Variants in GLIS3 observed in about 807,000 individuals in gnomAD.
The protein encoded by GLIS3 is zinc finger protein GLIS3.
Under a neutral mutation model 78.6 loss-of-function variants are expected in GLIS3, and 53 were observed. That is an observed-to-expected ratio of 0.67 (90% CI 0.54 to 0.85). The LOEUF (loss-of-function observed/expected upper bound fraction) is 0.85. GLIS3 is among the 40% of genes least tolerant of loss of function. GLIS3 has a pLI of 0.00. For synonymous variants in GLIS3, 684 were observed against 509.9 expected, an observed-to-expected ratio of 1.34 and a Z score of -4.60; for missense variants, 1,703 against 1,231.1, an observed-to-expected ratio of 1.38 and a Z score of -5.74.
At chr9:4,389,470 A>G in the GLIS3 span, among the ~76,000 whole-genome samples, 1 of 152,206 alleles carries the variant, frequency 6.6e-6, no homozygotes, top group Non-Finnish European at 1.5e-5. Flanking sequence ...GGGACTTCCA[A>G]AGGCTGCTGG....
chr9:4,142,392 G>A (rs569382366), intron 2 of GLIS3, among the ~76,000 whole-genome samples: 6 of 152,272 alleles, frequency 3.9e-5, no homozygotes, highest in African/African-American at 1.4e-4. Context: ...CAATGTTAAT[G>A]AGAAGGAGAG....
At chr9:4,420,423 C>T in the GLIS3 span, among the ~76,000 whole-genome samples, 61 of 152,282 alleles carry the variant, frequency 4.0e-4, no homozygotes, top group African/African-American at 1.4e-3. Context: ...TCTAGCTAGA[C>T]AAGCATCTTG....
At chr9:3,919,107 G>A (rs1282504788) in intron 6 of GLIS3, among the ~76,000 whole-genome samples, 1 of 152,178 alleles carries the variant, frequency 6.6e-6, no homozygotes, top group Non-Finnish European at 1.5e-5. Context: ...TAGCCACCAA[G>A]AGGAGAGCTT....
chr9:4,142,514 C>A (rs1239121619), intron 2 of GLIS3, among the ~76,000 whole-genome samples: 1 of 152,118 alleles, frequency 6.6e-6, no homozygotes, highest in Non-Finnish European at 1.5e-5. Context: ...ATAAACTCTG[C>A]CAGGATGTGG....
the GLIS3 span, among the ~76,000 whole-genome samples, chr9:4,438,815 A>G: frequency 1.3e-5 from 2 of 152,156 alleles, no homozygotes; most frequent in South Asian, 2.1e-4. Flanking sequence ...CCTTTCTGAC[A>G]TAATTGTGAG....
At chr9:4,030,872 T>G (rs1823776782) in intron 4 of GLIS3, among the ~76,000 whole-genome samples, 1 of 152,324 alleles carries the variant, frequency 6.6e-6, no homozygotes, top group African/African-American at 2.4e-5. Flanking sequence ...TGTAGCATCA[T>G]GTGCTGACAT....
rs559146846 is a variant in GLIS3, at chr9:4,181,504, C to T, written c.389-55563G>A. The stretch of plus-strand genomic sequence containing the variant: ...CAAAGGCACTATAGTGGACATCTGT[C>T]CTTCTTGCTTGACCATCATCATCAC... On this transcript the variant is annotated intron_variant, in intron 2 of 10. Transcript: ENST00000381971. 9.2e-5 allele frequency among the ~76,000 whole-genome samples: 14 copies of T among 152,322 alleles called. No homozygotes were observed. The South Asian group carries it at 2.7e-3, about 29-fold the overall frequency.
rs117426078 is a variant in GLIS3, at chr9:3,852,304, A to G, written c.2473+3705T>C. Among the ~76,000 whole-genome samples, 590 of 152,290 alleles carry G rather than the reference A, an allele frequency of 3.9e-3. 1 individual carries two copies. Among genetic ancestry groups the G allele is most frequent in the Admixed American group, 8.9e-3 (137 of 15,310 alleles). On this transcript the variant is annotated intron_variant, in intron 9 of 10. Transcript: ENST00000381971. ...GTGATGGTATTTCTCCCTGACCTCT[A>G]CCTACGGCAGGGAGTATAGAAGAAA...
chr9:4,140,674 C>T (rs1833742740), intron 2 of GLIS3, among the ~76,000 whole-genome samples: 1 of 152,172 alleles, frequency 6.6e-6, no homozygotes, highest in Admixed American at 6.5e-5. Context: ...ACTCTGAGCT[C>T]CAAAGCCCAT....
chr9:4,438,832 C>T, the GLIS3 span, among the ~76,000 whole-genome samples: 2 of 152,168 alleles, frequency 1.3e-5, no homozygotes, highest in Non-Finnish European at 2.9e-5. Flanking sequence ...TGAGAACTCC[C>T]CAACCACATG....
intron 1 of GLIS3, among the ~76,000 whole-genome samples, chr9:4,291,755 G>A (rs977464806): frequency 1.3e-5 from 2 of 152,122 alleles, no homozygotes; most frequent in African/African-American, 2.4e-5. Flanking sequence ...AGCAAATTCA[G>A]GACCTTCAGG....
chr9:4,483,522 A>G, the GLIS3 span, among the ~76,000 whole-genome samples: 1 of 152,130 alleles, frequency 6.6e-6, no homozygotes, highest in Non-Finnish European at 1.5e-5. Context: ...GTTTGAGACC[A>G]GCCTGACCAA....
At chr9:4,018,094 G>A (rs1331929696) in intron 4 of GLIS3, among the ~76,000 whole-genome samples, 1 of 152,142 alleles carries the variant, frequency 6.6e-6, no homozygotes, top group Non-Finnish European at 1.5e-5. Flanking sequence ...GATTGAAAGA[G>A]AGACAAAACT....
chr9:4,003,156 G>T (rs1007433486), intron 4 of GLIS3, among the ~76,000 whole-genome samples: 1 of 152,130 alleles, frequency 6.6e-6, no homozygotes, highest in African/African-American at 2.4e-5. Flanking sequence ...GAGGCAGGAG[G>T]ATCACTTGGG....
chr9:4,035,804 C>G (rs943508465), intron 4 of GLIS3: 1 of 152,392 alleles, frequency 6.6e-6, no homozygotes, highest in African/African-American at 2.4e-5. Context: ...GATTGTATCC[C>G]TGCCCCACTC....
the GLIS3 span, among the ~76,000 whole-genome samples, chr9:4,415,882 A>T: frequency 2.0e-5 from 3 of 152,040 alleles, no homozygotes; most frequent in Non-Finnish European, 4.4e-5. Flanking sequence ...GGTATAAAAT[A>T]AAATTTCCCT....
At chr9:4,413,943 G>A in the GLIS3 span, among the ~76,000 whole-genome samples, 1 of 152,156 alleles carries the variant, frequency 6.6e-6, no homozygotes, top group South Asian at 2.1e-4. Context: ...TATACCCAAG[G>A]TTATCATATG....
intron 2 of GLIS3, among the ~76,000 whole-genome samples, chr9:4,259,645 T>C (rs7023343): frequency 6.6e-6 from 1 of 152,072 alleles, no homozygotes; most frequent in Non-Finnish European, 1.5e-5. Flanking sequence ...AATGGTGTTA[T>C]GCAAGAGTAA....
chr9:4,432,215 A>G, the GLIS3 span, among the ~76,000 whole-genome samples: 2 of 151,120 alleles, frequency 1.3e-5, no homozygotes, highest in East Asian at 4.2e-4. Flanking sequence ...AGGTCAGTGT[A>G]TAGGAGTTGC....
Sources: allele counts gnomAD v4.1 joint callset (sites outside exome capture counted in the v4.1 genomes callset), GRCh38; gene constraint gnomAD v4.1.1; transcripts MANE v1.5; gene names NCBI Gene and HGNC (gene_info 2026-07-23, HGNC 2026-07-21).